The following PXDNL variants were observed in gnomAD, a reference collection of about 807,000 sequenced individuals.
PXDNL encodes probable oxidoreductase PXDNL.
PXDNL carries 145 observed loss-of-function variants against 150.8 expected under a neutral mutation model. The observed-to-expected ratio is 0.96, with a 90% CI of 0.84 to 1.10. The LOEUF (loss-of-function observed/expected upper bound fraction) is 1.10. Among genes scored for constraint, PXDNL ranks in the 50% least tolerant of loss-of-function variants. The pLI is 0.00. For missense variants in PXDNL, 2,087 were observed against 1,873.9 expected, an observed-to-expected ratio of 1.11 and a Z score of -2.10; for synonymous variants, 757 against 725.7, an observed-to-expected ratio of 1.04 and a Z score of -0.69.
intron 1 of PXDNL, among the ~76,000 whole-genome samples, chr8:51,719,402 C>T (rs1325664392): frequency 1.3e-5 from 2 of 152,102 alleles, no homozygotes; most frequent in Non-Finnish European, 2.9e-5. Flanking sequence ...GGATTAAGGG[C>T]GGTGCAAGAT....
At chr8:51,488,699 A>C (rs1192770513) in intron 5 of PXDNL, among the ~76,000 whole-genome samples, 1 of 152,248 alleles carries the variant, frequency 6.6e-6, no homozygotes, top group African/African-American at 2.4e-5. Context: ...AAATAAACTT[A>C]TCTAAAGGAG....
intron 3 of PXDNL, among the ~76,000 whole-genome samples, chr8:51,564,487 A>G (rs1812775484): frequency 6.6e-6 from 1 of 151,722 alleles, no homozygotes; most frequent in African/African-American, 2.4e-5. Flanking sequence ...CCTAGTGCTC[A>G]TTAGGGAGTT....
chr8:51,464,020 TA>T (rs5891415), intron 8 of PXDNL, among the ~76,000 whole-genome samples: 6,418 of 132,540 alleles, frequency 0.048, 396 homozygotes, highest in African/African-American at 0.15. Flanking sequence ...CTAAAGGAAC[TA>T]AAAAAAAAAA....
chr8:51,411,317 A>C lies in PXDNL; in HGVS notation c.1995T>G (p.Phe665Leu). 1.3e-6 allele frequency: 2 copies of C among 1,584,880 alleles called. No homozygotes were observed. The highest frequency in any genetic ancestry group is 1.7e-6 in the Non-Finnish European group (2 of 1,168,118). The change falls in exon 16 of 23, where the codon TTT becomes TTG. Residue 665 changes from phenylalanine (F) to leucine (L), a missense_variant. Coordinates refer to ENST00000356297, the MANE Select transcript of PXDNL (RefSeq NM_144651.5). Reference protein sequence around the residue: ...IVEMARAGEIFEHTLQLIRER... With the variant: ...IVEMARAGEILEHTLQLIRER... ...CCCGTATCAGCTGCAGCGTGTGCTC[A>C]AAAATCTCCCCTGCTCTTGCCATTT...
chr8:51,562,647 C>T (rs1291032079), intron 3 of PXDNL, among the ~76,000 whole-genome samples: 1 of 151,908 alleles, frequency 6.6e-6, no homozygotes, highest in Non-Finnish European at 1.5e-5. Flanking sequence ...CCATCAAACA[C>T]AGAATTAGTT....
chr8:51,430,418 A>T (rs1042146486), intron 12 of PXDNL, among the ~76,000 whole-genome samples: 25 of 152,282 alleles, frequency 1.6e-4, no homozygotes, highest in African/African-American at 6.0e-4. Context: ...CCATTTCCTG[A>T]CTAGAGGTGA....
chr8:51,635,644 A>G (rs958006422), intron 2 of PXDNL, among the ~76,000 whole-genome samples: 1 of 152,026 alleles, frequency 6.6e-6, no homozygotes, highest in Non-Finnish European at 1.5e-5. Context: ...AATTACAAAA[A>G]CTGTCTCAAA....
At chr8:51,658,944 C>T (rs1489169559) in intron 1 of PXDNL, among the ~76,000 whole-genome samples, 2 of 151,978 alleles carry the variant, frequency 1.3e-5, no homozygotes, top group African/African-American at 4.8e-5. Context: ...ACATTATTTA[C>T]TAACAATATT....
chr8:51,431,297 T>C (rs1308356808), intron 12 of PXDNL, among the ~76,000 whole-genome samples: 1 of 152,202 alleles, frequency 6.6e-6, no homozygotes, highest in Non-Finnish European at 1.5e-5. Context: ...TATTTCTGCA[T>C]GACCCAGCCC....
At chr8:51,733,427 A>T (rs1329564846) in intron 1 of PXDNL, among the ~76,000 whole-genome samples, 1 of 152,226 alleles carries the variant, frequency 6.6e-6, no homozygotes, top group Non-Finnish European at 1.5e-5. Flanking sequence ...AAAACTAAGC[A>T]TATTCTTGCC....
chr8:51,319,960 C>G lies in PXDNL; in HGVS notation c.4323G>C (p.Leu1441Phe). 1 of 1,580,028 alleles carries G rather than the reference C, an allele frequency of 6.3e-7. No homozygotes were observed. Among genetic ancestry groups the G allele is most frequent in the Non-Finnish European group, 8.6e-7 (1 of 1,163,888 alleles). ...AAACTGGACAGCAGGTTCCTTTCAC[C>G]AATTCAGGACTGGGACAGGGAGCCG... ...CPPAPCPSPE[L>F]VKGTCCPVCR... The change falls in exon 23 of 23, where the codon TTG becomes TTC. Residue 1441 changes from leucine (L) to phenylalanine (F), a missense_variant. Physicochemically the swap from Leu to Phe is conservative, Grantham distance 22. Transcript: ENST00000356297.
chr8:51,713,730 A>G (rs7000576), intron 1 of PXDNL, among the ~76,000 whole-genome samples: 5,689 of 152,258 alleles, frequency 0.037, 342 homozygotes, highest in African/African-American at 0.12. Context: ...CATTTTTTTG[A>G]GGAATCGTTT....
chr8:51,345,976 A>G (rs10091690), intron 19 of PXDNL, 29 bp from the exon 20 acceptor site: 26,586 of 1,301,916 alleles, frequency 0.02, 667 homozygotes, highest in African/African-American at 0.11. Context: ...CCACAATAGC[A>G]TCATGTGAGA....
chr8:51,779,184 C>G (rs937245751), intron 1 of PXDNL, among the ~76,000 whole-genome samples: 1 of 152,222 alleles, frequency 6.6e-6, no homozygotes, highest in Non-Finnish European at 1.5e-5. Context: ...AGGTTGATAG[C>G]TTCCCATCAG....
intron 3 of PXDNL, among the ~76,000 whole-genome samples, chr8:51,589,038 A>G (rs1409613247): frequency 6.6e-6 from 1 of 152,168 alleles, no homozygotes; most frequent in Non-Finnish European, 1.5e-5. Context: ...GGTTAATGCC[A>G]TTATCACAGG....
intron 1 of PXDNL, among the ~76,000 whole-genome samples, chr8:51,761,064 G>C (rs1467508188): frequency 7.0e-6 from 1 of 142,138 alleles, no homozygotes; most frequent in Non-Finnish European, 1.5e-5. Context: ...TAGTAGAGAC[G>C]GGGTTTCACC....
intron 5 of PXDNL, among the ~76,000 whole-genome samples, chr8:51,498,455 A>G (rs1811108120): frequency 6.6e-6 from 1 of 151,896 alleles, no homozygotes; most frequent in African/African-American, 2.4e-5. Flanking sequence ...AAATAAATAA[A>G]TTTATTAATA....
intron 8 of PXDNL, among the ~76,000 whole-genome samples, chr8:51,458,019 T>A (rs1261934375): frequency 2.0e-5 from 3 of 152,176 alleles, no homozygotes; most frequent in Non-Finnish European, 2.9e-5. Flanking sequence ...AGAAAAGAAA[T>A]CACCAGATGG....
rs1401624899 is a variant in PXDNL at position 51,419,077 on chromosome 8, G to A, written c.1795+4498C>T. Among the ~76,000 whole-genome samples the A allele has an allele frequency of 3.9e-5, 6 of 152,090 alleles. No individual in the cohort carries two copies. The South Asian group carries it at 1.2e-3, about 32-fold the overall frequency. On this transcript the variant is annotated intron_variant, in intron 14 of 22. Transcript: ENST00000356297. Reference sequence around the variant, plus strand: ...ACAAGGTCCTCGGGGAAAGACCAGGGGTTCAGATTCGAATATGTTCAAAAT... The same window carrying A: ...ACAAGGTCCTCGGGGAAAGACCAGGAGTTCAGATTCGAATATGTTCAAAAT...
Sources: gnomAD v4.1 joint callset for allele counts (sites outside exome capture counted in the v4.1 genomes callset) on GRCh38, gnomAD v4.1.1 for gene constraint, MANE v1.5 for transcripts, NCBI Gene and HGNC (gene_info 2026-07-23, HGNC 2026-07-21) for gene names.